PRICKLE1: variants seen among roughly 807,000 people sequenced by gnomAD.
PRICKLE1 encodes prickle planar cell polarity protein 1, also known as prickle-like protein 1.
PRICKLE1 carries 14 observed loss-of-function variants against 70.2 expected under a neutral mutation model. That is an observed-to-expected ratio of 0.20 (90% CI 0.13 to 0.31). The LOEUF is 0.31. Among genes scored for constraint, PRICKLE1 ranks in the 10% least tolerant of loss-of-function variants. The probability of loss-of-function intolerance (pLI) is 1.00; values close to 1 mark genes in which losing one functional copy is unlikely to be tolerated. For synonymous variants in PRICKLE1, 357 were observed against 379.9 expected (o/e 0.94, Z 0.70); for missense variants, 821 against 1,026.2 (o/e 0.80, Z 2.73).
At chr12:42,506,261 T>TG (rs1555234490) in intron 1 of PRICKLE1, among the ~76,000 whole-genome samples, 1 of 145,022 alleles carries the variant, frequency 6.9e-6, no homozygotes, top group African/African-American at 2.6e-5. Context: ...CTTTCTTTCT[T>TG]TTTTTTTTTT....
intron 1 of PRICKLE1, among the ~76,000 whole-genome samples, chr12:42,498,130 G>A (rs921699903): frequency 6.8e-6 from 1 of 147,930 alleles, no homozygotes; most frequent in African/African-American, 2.5e-5. Flanking sequence ...ATTATAGTGT[G>A]AGCCTCCATG....
intron 1 of PRICKLE1, among the ~76,000 whole-genome samples, chr12:42,553,372 A>T (rs1013403546): frequency 2.0e-5 from 3 of 151,462 alleles, no homozygotes; most frequent in Non-Finnish European, 4.4e-5. Flanking sequence ...TGAACCGGGG[A>T]GGCAGAGCTT....
intron 1 of PRICKLE1, among the ~76,000 whole-genome samples, chr12:42,544,313 A>C (rs1940170059): frequency 6.6e-6 from 1 of 152,242 alleles, no homozygotes; most frequent in Non-Finnish European, 1.5e-5. Context: ...AAGTATAGCT[A>C]ATTATATAGT....
intron 1 of PRICKLE1, among the ~76,000 whole-genome samples, chr12:42,564,818 A>G (rs990892950): frequency 6.6e-6 from 1 of 152,204 alleles, no homozygotes; most frequent in African/African-American, 2.4e-5. Flanking sequence ...GCAAAAGGAT[A>G]TGCTTACTGT....
chr12:42,520,168 T>C (rs1299815433), intron 1 of PRICKLE1, among the ~76,000 whole-genome samples: 1 of 152,228 alleles, frequency 6.6e-6, no homozygotes, highest in African/African-American at 2.4e-5. Flanking sequence ...GTTTGGATGA[T>C]AAATTATCCA....
At chr12:42,588,883 A>G (rs1262329737) in intron 1 of PRICKLE1, among the ~76,000 whole-genome samples, 1 of 152,220 alleles carries the variant, frequency 6.6e-6, no homozygotes, top group African/African-American at 2.4e-5. Flanking sequence ...AGTTTCTTCA[A>G]CTTTTTCTAC....
chr12:42,572,149 C>G (rs563766981), intron 1 of PRICKLE1, among the ~76,000 whole-genome samples: 2 of 152,022 alleles, frequency 1.3e-5, no homozygotes, highest in African/African-American at 4.8e-5. Context: ...AAATATATCT[C>G]TAGGCCGGGC....
intron 1 of PRICKLE1, among the ~76,000 whole-genome samples, chr12:42,570,756 G>A (rs186249904): frequency 1.6e-4 from 25 of 152,278 alleles, no homozygotes; most frequent in Admixed American, 1.1e-3. Context: ...GGAGGCGGAG[G>A]TTGCAGTGAG....
At chr12:42,526,922 A>G (rs902100610) in intron 1 of PRICKLE1, among the ~76,000 whole-genome samples, 9 of 152,098 alleles carry the variant, frequency 5.9e-5, no homozygotes, top group African/African-American at 1.4e-4. Flanking sequence ...GATGGAATCA[A>G]GAGACTATGT....
At position 42,464,490 on chromosome 12, in the gene PRICKLE1, T is replaced by C; in HGVS notation, c.1544A>G (p.Gln515Arg). The C allele has an allele frequency of 6.2e-7, 1 of 1,614,062 alleles. No homozygotes were observed. Among genetic ancestry groups the C allele is most frequent in the East Asian group, 2.2e-5 (1 of 44,856 alleles). Residue 515 changes from glutamine (Q) to arginine (R), a missense_variant, in exon 7 of 8, where the codon CAG (glutamine) becomes CGG (arginine). Physicochemically the swap from Gln to Arg is conservative, Grantham distance 43. Transcript: ENST00000345127. This position sits in a 1 kb window ranked among gnomAD's most constrained non-coding sequence, Gnocchi z 4.2. ...ACACTCCAGGGAATCTTCATACCAC[T>C]GTGTTTCATCATGATTATACCCTGA... ...GASGYNHDET[Q>R]WYEDSLECLS...
chr12:42,492,325 A>G (rs1225281042), intron 1 of PRICKLE1, among the ~76,000 whole-genome samples: 1 of 152,158 alleles, frequency 6.6e-6, no homozygotes, highest in Middle Eastern at 3.2e-3. Flanking sequence ...GCTCAAAACT[A>G]TTTTGCTCAC....
intron 1 of PRICKLE1, among the ~76,000 whole-genome samples, chr12:42,495,960 A>AT (rs1939193784): frequency 1.3e-5 from 2 of 152,344 alleles, no homozygotes; most frequent in South Asian, 4.1e-4. Flanking sequence ...AAATGTTGAT[A>AT]TTTTAACATC....
At chr12:42,557,996 T>C (rs1158998919) in intron 1 of PRICKLE1, among the ~76,000 whole-genome samples, 1 of 152,226 alleles carries the variant, frequency 6.6e-6, no homozygotes, top group African/African-American at 2.4e-5. Context: ...TGCTTAGTAA[T>C]TGGCACATCG....
intron 1 of PRICKLE1, among the ~76,000 whole-genome samples, chr12:42,494,561 C>A (rs1298166780): frequency 1.3e-5 from 2 of 152,072 alleles, no homozygotes; most frequent in Non-Finnish European, 2.9e-5. Context: ...AATCTCAGCA[C>A]TTTGGGAGGC....
chr12:42,511,953 T>C (rs1172802838), intron 1 of PRICKLE1, among the ~76,000 whole-genome samples: 1 of 152,144 alleles, frequency 6.6e-6, no homozygotes, highest in Non-Finnish European at 1.5e-5. Context: ...TAAGGACTAA[T>C]GGACTGTGAG....
At chr12:42,485,038 A>C (rs1938950757) in intron 1 of PRICKLE1, among the ~76,000 whole-genome samples, 1 of 151,740 alleles carries the variant, frequency 6.6e-6, no homozygotes. Context: ...TTTTTTTTTA[A>C]GCTAAAAAAT....
At position 42,464,957 on chromosome 12, in the gene PRICKLE1, C is replaced by T. The variant is rs1236954949; in HGVS notation, c.1077G>A (p.Lys359=). 6.2e-7 allele frequency: 1 copy of T among 1,614,016 alleles called. No individual in the cohort carries two copies. Among genetic ancestry groups the T allele is most frequent in the African/African-American group, 1.3e-5 (1 of 74,912 alleles). ...CAGCATTGCCTGAGAGGCCAGGAAACTTGTAGTTCAGAGCAGGCGATAAGA... is the reference window on the plus strand; with the variant it reads ...CAGCATTGCCTGAGAGGCCAGGAAATTTGTAGTTCAGAGCAGGCGATAAGA... The part of the protein sequence containing the change: ...SLLLSPALNY[K]FPGLSGNADD... Residue 359 remains lysine (K), a synonymous_variant, in exon 7 of 8, where the codon AAG becomes AAA. Transcript: ENST00000345127. The surrounding 1 kb of genome is among the most constrained non-coding windows in gnomAD (Gnocchi z 4.2).
intron 1 of PRICKLE1, among the ~76,000 whole-genome samples, chr12:42,537,852 C>A (rs1310705532): frequency 6.6e-6 from 1 of 152,228 alleles, no homozygotes; most frequent in African/African-American, 2.4e-5. Flanking sequence ...AAGAAGCATT[C>A]TTTCAACCAA....
chr12:42,529,533 T>C (rs556820797), intron 1 of PRICKLE1, among the ~76,000 whole-genome samples: 1 of 152,346 alleles, frequency 6.6e-6, no homozygotes, highest in East Asian at 1.9e-4. Context: ...GAAATGTGAT[T>C]CTTACAGACA....
Sources: gnomAD v4.1 joint callset for allele counts (sites outside exome capture counted in the v4.1 genomes callset) on GRCh38, gnomAD v4.1.1 for gene constraint, Gnocchi (gnomAD v3.1) non-coding constraint, MANE v1.5 for transcripts, NCBI Gene and HGNC (gene_info 2026-07-23, HGNC 2026-07-21) for gene names.